The following SLCO1A2 variants were observed in gnomAD, a reference collection of about 807,000 sequenced individuals.
SLCO1A2 encodes OATP-1.
SLCO1A2 carries 67 observed loss-of-function variants against 69.0 expected under a neutral mutation model. The ratio of observed to expected loss-of-function variants is 0.97; its 90% CI spans 0.80 to 1.19. The LOEUF (loss-of-function observed/expected upper bound fraction) is 1.19, where lower values mean the gene tolerates loss of function less well. Among genes scored for constraint, SLCO1A2 ranks in the 50% most tolerant of loss-of-function variants. SLCO1A2 has a pLI of 0.00. For synonymous variants in SLCO1A2, 260 were observed against 265.9 expected, an observed-to-expected ratio of 0.98 and a Z score of 0.22; for missense variants, 787 against 793.7, an observed-to-expected ratio of 0.99 and a Z score of 0.10.
intron 1 of SLCO1A2, chr12:21,379,459 A>C (rs1940446176): frequency 6.6e-6 from 1 of 152,222 alleles, no homozygotes; most frequent in Non-Finnish European, 1.5e-5. Context: ...TCGTGTCTTC[A>C]ATTAAAAGAC....
At chr12:21,344,598 T>A (rs897644869) in intron 2 of SLCO1A2, among the ~76,000 whole-genome samples, 3 of 152,074 alleles carry the variant, frequency 2.0e-5, no homozygotes, top group African/African-American at 7.2e-5. Context: ...GAGGCACATA[T>A]ATGTAGTCTG....
At chr12:21,408,179 A>AAAATACAC (rs1941852759) in intron 1 of SLCO1A2, among the ~76,000 whole-genome samples, 1 of 152,210 alleles carries the variant, frequency 6.6e-6, no homozygotes, top group Non-Finnish European at 1.5e-5. Context: ...GGGCCTGTCC[A>AAAATACAC]AAATACACAA....
intron 8 of SLCO1A2, 31 bp from the exon 9 acceptor site, chr12:21,297,599 C>T (rs373182705): frequency 7.9e-5 from 116 of 1,466,234 alleles, no homozygotes; most frequent in Non-Finnish European, 1.0e-4. Flanking sequence ...CTGTGTCAAA[C>T]GAACTTGGCT....
At chr12:21,293,543 A>G (rs985520164) in intron 11 of SLCO1A2, among the ~76,000 whole-genome samples, 2 of 150,654 alleles carry the variant, frequency 1.3e-5, no homozygotes, top group Non-Finnish European at 2.9e-5. Flanking sequence ...CACAGAAAGC[A>G]CATCCATACA....
chr12:21,336,852 C>T (rs1402494004), upstream of SLCO1A2, among the ~76,000 whole-genome samples: 1 of 151,996 alleles, frequency 6.6e-6, no homozygotes, highest in Non-Finnish European at 1.5e-5. Context: ...CCCAGGACCA[C>T]ACAGTGTCAC....
Position 21,266,980 on chromosome 12 carries a change from A to T in SLCO1A2, c.*2568T>A, listed in dbSNP as rs959275890. The T allele has an allele frequency of 6.6e-6, 1 of 152,074 alleles. No individual in the cohort carries two copies. The highest frequency in any genetic ancestry group is 2.4e-5 in the African/African-American group (1 of 41,418). The allele number at this position is 152,074 out of a possible 1,614,324, so 9.4% of individuals were successfully genotyped here. ...GAAAATTACTGACTCTCGACTTCTC[A>T]CTACCTGTTCTCTTGTTTCTCTTCT... On this transcript the variant is annotated 3_prime_UTR_variant, in exon 15 of 15. Transcript: ENST00000683939.
At chr12:21,338,233 T>C (rs187222253), upstream of SLCO1A2, among the ~76,000 whole-genome samples, 6 of 152,072 alleles carry the variant, frequency 3.9e-5, no homozygotes, top group Admixed American at 3.3e-4. Flanking sequence ...CTGACTCCTC[T>C]ATGTGCTCTA....
intron 1 of SLCO1A2, among the ~76,000 whole-genome samples, chr12:21,413,236 T>TC: frequency 1.1e-5 from 1 of 93,302 alleles, no homozygotes; most frequent in Admixed American, 1.1e-4. Context: ...TTTTTCTTTT[T>TC]CTTTTTTTTT....
At chr12:21,311,488 C>T (rs1303605259) in intron 4 of SLCO1A2, 11 of 151,778 alleles carry the variant, frequency 7.2e-5, no homozygotes, top group Admixed American at 7.2e-4. Context: ...CCAAGTTACT[C>T]CTGATTTGTG....
At chr12:21,314,775 A>C (rs1278011608) in intron 3 of SLCO1A2, 94 bp from the exon 4 acceptor site, 1 of 891,442 alleles carries the variant, frequency 1.1e-6, no homozygotes, top group Non-Finnish European at 1.8e-6. Flanking sequence ...CATTTACTGC[A>C]TAACAACTAT....
At chr12:21,392,809 T>C (rs1941228757) in intron 1 of SLCO1A2, among the ~76,000 whole-genome samples, 1 of 152,212 alleles carries the variant, frequency 6.6e-6, no homozygotes, top group Non-Finnish European at 1.5e-5. Context: ...TGAACATGAA[T>C]AGTTTTAAGA....
At chr12:21,358,945 A>C (rs1291743980) in intron 2 of SLCO1A2, among the ~76,000 whole-genome samples, 1 of 152,214 alleles carries the variant, frequency 6.6e-6, no homozygotes, top group Non-Finnish European at 1.5e-5. Context: ...TAACAGGCTG[A>C]AGATATTCAC....
At chr12:21,404,926 A>G (rs1264051277) in intron 1 of SLCO1A2, among the ~76,000 whole-genome samples, 1 of 152,162 alleles carries the variant, frequency 6.6e-6, no homozygotes, top group Non-Finnish European at 1.5e-5. Context: ...AATAATCACC[A>G]TTATGACTGG....
At chr12:21,288,068 C>G (rs1946239774) in intron 12 of SLCO1A2, among the ~76,000 whole-genome samples, 1 of 146,420 alleles carries the variant, frequency 6.8e-6, no homozygotes, top group Non-Finnish European at 1.5e-5. Flanking sequence ...ATGAATGGAA[C>G]TGGAGGTCAT....
At chr12:21,394,615 C>G (rs570266195) in intron 1 of SLCO1A2, among the ~76,000 whole-genome samples, 2 of 151,528 alleles carry the variant, frequency 1.3e-5, no homozygotes, top group African/African-American at 4.8e-5. Flanking sequence ...AAGAAAAGTG[C>G]AGGGAGACAT....
At chr12:21,323,441 T>C (rs768620153) in intron 2 of SLCO1A2, among the ~76,000 whole-genome samples, 4 of 152,044 alleles carry the variant, frequency 2.6e-5, no homozygotes, top group Non-Finnish European at 5.9e-5. Flanking sequence ...GGTGCATGCC[T>C]GTAGTGCCAG....
At position 21,267,526 on chromosome 12, in the gene SLCO1A2, A is replaced by G. The variant is rs1370394931; in HGVS notation, c.*2022T>C. ...TGAATCCGTAAGAACTAACCTCATT[A>G]TGTCCTCTGCCCCCATTTATGTCAG... On this transcript the variant is annotated 3_prime_UTR_variant, in exon 15 of 15. Transcript: ENST00000683939. 6.6e-6 allele frequency: 1 copy of G among 152,140 alleles called. No homozygotes were observed. Among genetic ancestry groups the G allele is most frequent in the East Asian group, 1.9e-4 (1 of 5,186 alleles). The allele number at this position is 152,140 out of a possible 1,614,324, so 9.4% of individuals were successfully genotyped here.
chr12:21,378,216 A>G (rs375504788), intron 1 of SLCO1A2: 1 of 1,611,718 alleles, frequency 6.2e-7, no homozygotes. Flanking sequence ...CTAACTTTTC[A>G]CATTTGTTCC....
At chr12:21,386,699 T>C (rs1379910674) in intron 1 of SLCO1A2, among the ~76,000 whole-genome samples, 2 of 151,990 alleles carry the variant, frequency 1.3e-5, no homozygotes, top group African/African-American at 4.8e-5. Flanking sequence ...TTCACAGCAG[T>C]ATGAAAATGG....
Sources: allele counts gnomAD v4.1 joint callset (sites outside exome capture counted in the v4.1 genomes callset), GRCh38; gene constraint gnomAD v4.1.1; transcripts MANE v1.5; gene names NCBI Gene and HGNC (gene_info 2026-07-23, HGNC 2026-07-21).